Variants in RAP1A observed in about 807,000 individuals in gnomAD.
RAP1A encodes the protein ras-related protein Rap-1A.
RAP1A carries 6 observed loss-of-function variants against 26.4 expected under a neutral mutation model. The observed-to-expected ratio is 0.23, with a 90% CI of 0.12 to 0.45. The LOEUF (loss-of-function observed/expected upper bound fraction) is 0.45. Among genes scored for constraint, RAP1A ranks in the 20% least tolerant of loss-of-function variants. The pLI is 0.99. For missense variants in RAP1A, 121 were observed against 217.2 expected, an observed-to-expected ratio of 0.56 and a Z score of 2.78; for synonymous variants, 73 against 79.4, an observed-to-expected ratio of 0.92 and a Z score of 0.43.
chr1:111,564,565 T>G (rs1423830779), intron 1 of RAP1A, among the ~76,000 whole-genome samples: 1 of 143,628 alleles, frequency 7.0e-6, no homozygotes. Context: ...CAGGCTAGAG[T>G]GCAGTGGCAC....
chr1:111,577,962 A>T (rs1658178876), intron 1 of RAP1A, among the ~76,000 whole-genome samples: 2 of 152,218 alleles, frequency 1.3e-5, no homozygotes. Context: ...CTTTGCACGT[A>T]AAGGAGTCCA....
intron 1 of RAP1A, among the ~76,000 whole-genome samples, chr1:111,646,172 C>T (rs1660057991): frequency 1.3e-5 from 2 of 152,096 alleles, no homozygotes; most frequent in Admixed American, 6.5e-5. Flanking sequence ...TCCTTTTGTA[C>T]CCCTCATCAC....
intron 1 of RAP1A, among the ~76,000 whole-genome samples, chr1:111,682,769 A>G (rs1661338111): frequency 6.6e-6 from 1 of 152,160 alleles, no homozygotes; most frequent in South Asian, 2.1e-4. Flanking sequence ...GATCAACGAG[A>G]CAGAAAATTG....
At chr1:111,566,118 A>G (rs1339530947) in intron 1 of RAP1A, among the ~76,000 whole-genome samples, 2 of 152,076 alleles carry the variant, frequency 1.3e-5, no homozygotes, top group African/African-American at 4.8e-5. Flanking sequence ...GGGAATTTGA[A>G]CTTCATTGTG....
At chr1:111,663,550 G>A (rs981153289) in intron 1 of RAP1A, among the ~76,000 whole-genome samples, 3 of 152,102 alleles carry the variant, frequency 2.0e-5, no homozygotes, top group African/African-American at 7.2e-5. Context: ...TATCTAATTT[G>A]GTGTTCACAG....
intron 1 of RAP1A, among the ~76,000 whole-genome samples, chr1:111,623,326 A>C (rs1659281900): frequency 6.6e-6 from 1 of 152,120 alleles, no homozygotes; most frequent in Non-Finnish European, 1.5e-5. Flanking sequence ...GTGGCTGGCA[A>C]CAAAGGAATT....
intron 1 of RAP1A, among the ~76,000 whole-genome samples, chr1:111,672,680 T>C (rs1661011476): frequency 6.6e-6 from 1 of 152,162 alleles, no homozygotes; most frequent in Admixed American, 6.5e-5. Context: ...TTTTCTAACC[T>C]AGCTTAAGAA....
intron 1 of RAP1A, among the ~76,000 whole-genome samples, chr1:111,676,742 A>G (rs893747200): frequency 1.4e-4 from 22 of 152,066 alleles, no homozygotes; most frequent in Admixed American, 1.2e-3. Flanking sequence ...ACTGGCCCCA[A>G]ACAGCTTTCT....
chr1:111,569,391 C>CA lies in RAP1A; in HGVS notation c.-28+26901dup, dbSNP rs34387699. Among the ~76,000 whole-genome samples the CA allele has an allele frequency of 2.9e-3, 305 of 104,478 alleles. 1 individual carries two copies. Among genetic ancestry groups the CA allele is most frequent in the African/African-American group, 0.01 (286 of 27,330 alleles). The allele number at this position is 104,478 out of a possible 152,430, so 68.5% of individuals were successfully genotyped here. On this transcript the variant is annotated intron_variant, in intron 1 of 7. Coordinates refer to the RAP1A transcript ENST00000356415. ...TCCAGACAGAGTGAGACTCCGTCTCCAAAAAAAAAAAAAAAAAAAGTTACA... is the reference window on the plus strand; with the variant it reads ...TCCAGACAGAGTGAGACTCCGTCTCCAAAAAAAAAAAAAAAAAAAAGTTACA...
At chr1:111,613,610 G>T (rs1449599728) in intron 1 of RAP1A, among the ~76,000 whole-genome samples, 1 of 152,158 alleles carries the variant, frequency 6.6e-6, no homozygotes, top group African/African-American at 2.4e-5. Flanking sequence ...TAAATGAAAC[G>T]CTATGTGACT....
intron 1 of RAP1A, chr1:111,608,283 TC>T (rs200215971): frequency 0.25 from 37,321 of 149,556 alleles, 4,029 homozygotes; most frequent in East Asian, 0.43. Flanking sequence ...GCAGAGGCTC[TC>T]CCCACATCTC....
At chr1:111,639,683 C>T (rs753634900) in intron 1 of RAP1A, among the ~76,000 whole-genome samples, 13 of 151,994 alleles carry the variant, frequency 8.6e-5, no homozygotes, top group South Asian at 2.1e-4. Flanking sequence ...CTGCACTCAC[C>T]GCTAGGATGA....
At chr1:111,550,711 C>T (rs899110877) in intron 1 of RAP1A, among the ~76,000 whole-genome samples, 1 of 152,188 alleles carries the variant, frequency 6.6e-6, no homozygotes, top group African/African-American at 2.4e-5. Flanking sequence ...GCCCAGCAGG[C>T]CTTGAACTCC....
intron 1 of RAP1A, among the ~76,000 whole-genome samples, chr1:111,673,833 C>G (rs1240111681): frequency 6.6e-6 from 1 of 152,094 alleles, no homozygotes; most frequent in Non-Finnish European, 1.5e-5. Flanking sequence ...TGTGTGTATG[C>G]TTTCTTGTGT....
At chr1:111,698,610 A>AG (rs1184292222) in intron 4 of RAP1A, among the ~76,000 whole-genome samples, 1 of 152,076 alleles carries the variant, frequency 6.6e-6, no homozygotes, top group African/African-American at 2.4e-5. Context: ...TTCAGCACAA[A>AG]GTTTTCCACT....
At chr1:111,584,146 T>C (rs1475616286) in intron 1 of RAP1A, among the ~76,000 whole-genome samples, 1 of 152,020 alleles carries the variant, frequency 6.6e-6, no homozygotes, top group African/African-American at 2.4e-5. Flanking sequence ...CCTCTCAAAG[T>C]GTTGGGATTA....
intron 1 of RAP1A, among the ~76,000 whole-genome samples, chr1:111,668,439 G>A (rs1660867321): frequency 6.6e-6 from 1 of 152,162 alleles, no homozygotes; most frequent in African/African-American, 2.4e-5. Flanking sequence ...CTAACATTTT[G>A]TAGTGCTTCC....
chr1:111,592,696 A>G (rs1352853534), intron 1 of RAP1A, among the ~76,000 whole-genome samples: 2 of 152,136 alleles, frequency 1.3e-5, no homozygotes, highest in Non-Finnish European at 2.9e-5. Flanking sequence ...TGAAGTTTTA[A>G]TCAAAGCACT....
intron 1 of RAP1A, among the ~76,000 whole-genome samples, chr1:111,568,930 T>C (rs78079654): frequency 6.6e-6 from 1 of 152,226 alleles, no homozygotes; most frequent in Non-Finnish European, 1.5e-5. Context: ...CTCTTCCTTA[T>C]GATTTTTAAT....
Sources: gnomAD v4.1 joint callset for allele counts (sites outside exome capture counted in the v4.1 genomes callset) on GRCh38, gnomAD v4.1.1 for gene constraint, MANE v1.5 for transcripts, NCBI Gene and HGNC (gene_info 2026-07-23, HGNC 2026-07-21) for gene names.